PPM1B: variants seen among roughly 807,000 people sequenced by gnomAD.
PPM1B encodes the protein protein phosphatase 1B.
A neutral mutation model predicts 43.0 loss-of-function variants in PPM1B; 22 were observed. The observed-to-expected ratio is 0.51, with a 90% CI of 0.37 to 0.73. PPM1B has a LOEUF of 0.73. Ranked by LOEUF, PPM1B falls within the 30% of genes least tolerant of loss-of-function variation. PPM1B has a pLI of 0.00. For synonymous variants in PPM1B, 217 were observed against 197.9 expected, an observed-to-expected ratio of 1.10 and a Z score of -0.81; for missense variants, 632 against 584.2, an observed-to-expected ratio of 1.08 and a Z score of -0.84.
chr2:44,185,290 T>G (rs745361270), intron 1 of PPM1B, among the ~76,000 whole-genome samples: 5 of 152,180 alleles, frequency 3.3e-5, no homozygotes, highest in African/African-American at 4.8e-5. Context: ...GTATGATACC[T>G]TGCCCTATGT....
intron 2 of PPM1B, among the ~76,000 whole-genome samples, chr2:44,208,605 C>G (rs1572725664): frequency 6.6e-6 from 1 of 152,146 alleles, no homozygotes; most frequent in Non-Finnish European, 1.5e-5. Flanking sequence ...GCCAGCTACT[C>G]AGGAGGCTGA....
rs374366956 is a variant in PPM1B at position 44,173,619 on chromosome 2, T to C, written c.-15+4345T>C. Among the ~76,000 whole-genome samples the C allele has an allele frequency of 7.9e-5, 12 of 152,348 alleles. No homozygotes were observed. The East Asian group carries it at 1.9e-3, about 24-fold the overall frequency. ...TAATCACATCTACAATATCTTGTTA[T>C]TGCTTGGCATAACATATACCTTTTA... On this transcript the variant is annotated intron_variant, in intron 1 of 5. Transcript: ENST00000282412.
Position 44,209,207 on chromosome 2 carries a change from C to T in PPM1B, c.847-3C>T, listed in dbSNP as rs1478555027. The stretch of plus-strand genomic sequence containing the variant: ...TTTTTTCTTTTTTTTCTTTAATACA[C>T]AGGGAAGTCGAGATAACATGAGTAT... On this transcript the variant is annotated splice_polypyrimidine_tract_variant and splice_region_variant and intron_variant, in intron 2 of 5. Coordinates refer to ENST00000282412, the MANE Select transcript of PPM1B (RefSeq NM_002706.6). 3.2e-6 allele frequency: 5 copies of T among 1,569,834 alleles called. No homozygotes were observed. Among genetic ancestry groups the T allele is most frequent in the African/African-American group, 1.4e-5 (1 of 72,622 alleles).
chr2:44,213,898 CAGAA>C (rs2104201716), intron 3 of PPM1B: 1 of 152,206 alleles, frequency 6.6e-6, no homozygotes, highest in South Asian at 2.1e-4. Flanking sequence ...TATAGTTTAT[CAGAA>C]GGTGGGAGGA....
At chr2:44,243,778 G>T (rs1670799936) in intron 5 of PPM1B, among the ~76,000 whole-genome samples, 1 of 152,056 alleles carries the variant, frequency 6.6e-6, no homozygotes, top group African/African-American at 2.4e-5. Context: ...TAGGGAAAAT[G>T]CCCCTTATTA....
intron 3 of PPM1B, 151 bp from the exon 4 acceptor site, chr2:44,217,815 TG>T: frequency 2.3e-6 from 1 of 442,740 alleles, no homozygotes; most frequent in Non-Finnish European, 4.0e-6. Context: ...AGTAGCTTTT[TG>T]TATTACTTCT....
chr2:44,244,395 T>A (rs772810459), downstream of PPM1B: 5 of 1,328,604 alleles, frequency 3.8e-6, no homozygotes, highest in Admixed American at 2.0e-5. Flanking sequence ...GTATTTGTAC[T>A]GCTGTTAACC....
rs1475976935 is a variant in PPM1B at position 44,180,507 on chromosome 2, A to G, written c.-15+11233A>G. 3.9e-5 allele frequency among the ~76,000 whole-genome samples: 6 copies of G among 152,230 alleles called. No individual in the cohort carries two copies. The East Asian group carries it at 1.2e-3, about 29-fold the overall frequency. On this transcript the variant is annotated intron_variant, in intron 1 of 5. Transcript: ENST00000282412. Reference sequence around the variant, plus strand: ...AATGTTGCAGTGGATAATAGAGGTTAATCAGCATTCCAATAGATTTTTAGG... The same window carrying G: ...AATGTTGCAGTGGATAATAGAGGTTGATCAGCATTCCAATAGATTTTTAGG...
downstream of PPM1B, among the ~76,000 whole-genome samples, chr2:44,235,569 C>T (rs1427269467): frequency 7.0e-6 from 1 of 143,496 alleles, no homozygotes; most frequent in African/African-American, 2.6e-5. Context: ...TGCCATTGCA[C>T]TCCAGCCTGG....
downstream of PPM1B, chr2:44,233,779 T>A (rs1397137971): frequency 1.0e-6 from 1 of 985,600 alleles, no homozygotes; most frequent in African/African-American, 1.7e-5. Context: ...ATTTTTGGTC[T>A]AAAAGGAATT....
chr2:44,189,460 C>A (rs1015648363), intron 1 of PPM1B, among the ~76,000 whole-genome samples: 1 of 152,054 alleles, frequency 6.6e-6, no homozygotes, highest in African/African-American at 2.4e-5. Context: ...TCCTTCCATT[C>A]TTTTTTATTT....
intron 3 of PPM1B, among the ~76,000 whole-genome samples, chr2:44,213,103 C>T (rs1669557513): frequency 7.1e-6 from 1 of 140,454 alleles, no homozygotes; most frequent in Non-Finnish European, 1.5e-5. Context: ...GTCTTAAGGC[C>T]CTTTTTTTTT....
chr2:44,193,303 A>T (rs1334280425), intron 1 of PPM1B, among the ~76,000 whole-genome samples: 3 of 152,140 alleles, frequency 2.0e-5, no homozygotes, highest in African/African-American at 7.2e-5. Context: ...CATTTCCCTG[A>T]TGATTAGTGA....
intron 2 of PPM1B, among the ~76,000 whole-genome samples, chr2:44,208,570 G>T (rs987989481): frequency 6.6e-6 from 1 of 152,046 alleles, no homozygotes; most frequent in Non-Finnish European, 1.5e-5. Flanking sequence ...AAAATTAGCC[G>T]GGCCTGGTGG....
intron 1 of PPM1B, among the ~76,000 whole-genome samples, chr2:44,194,494 C>T (rs995740519): frequency 3.3e-5 from 5 of 151,864 alleles, no homozygotes; most frequent in African/African-American, 7.3e-5. Context: ...GAGGCCGAGG[C>T]GGGCGGATCA....
At chr2:44,190,446 A>C (rs1572700104) in intron 1 of PPM1B, among the ~76,000 whole-genome samples, 1 of 152,214 alleles carries the variant, frequency 6.6e-6, no homozygotes, top group Non-Finnish European at 1.5e-5. Context: ...GGCGTGAGCC[A>C]CTGTGCCTGG....
intron 1 of PPM1B, among the ~76,000 whole-genome samples, chr2:44,186,832 A>G (rs190547694): frequency 6.6e-6 from 1 of 151,666 alleles, no homozygotes; most frequent in Admixed American, 6.6e-5. Context: ...TGTGTAGATG[A>G]CTTTCTAGCT....
intron 1 of PPM1B, among the ~76,000 whole-genome samples, chr2:44,191,573 A>G (rs1349536377): frequency 6.6e-6 from 1 of 152,196 alleles, no homozygotes; most frequent in Non-Finnish European, 1.5e-5. Flanking sequence ...ATCATTTTCC[A>G]GCTACTTTGT....
At chr2:44,193,666 G>A (rs1262320521) in intron 1 of PPM1B, among the ~76,000 whole-genome samples, 1 of 142,842 alleles carries the variant, frequency 7.0e-6, no homozygotes, top group Non-Finnish European at 1.5e-5. Flanking sequence ...TGTAACCTCT[G>A]TCTCTCAGGT....
Sources: allele counts gnomAD v4.1 joint callset (sites outside exome capture counted in the v4.1 genomes callset), GRCh38; gene constraint gnomAD v4.1.1; transcripts MANE v1.5; gene names NCBI Gene and HGNC (gene_info 2026-07-23, HGNC 2026-07-21).